Variants in MIPOL1 observed in about 807,000 individuals in gnomAD.
MIPOL1 encodes mirror-image polydactyly 1, also known as mirror-image polydactyly gene 1 protein.
A neutral mutation model predicts 60.9 loss-of-function variants in MIPOL1; 57 were observed. That is an observed-to-expected ratio of 0.94 (90% CI 0.76 to 1.17). MIPOL1 has a LOEUF of 1.17. Ranked by LOEUF, MIPOL1 falls within the 50% of genes most tolerant of loss-of-function variation. The probability of loss-of-function intolerance (pLI) is 0.00; values close to 1 mark genes in which losing one functional copy is unlikely to be tolerated. For missense variants in MIPOL1, 551 were observed against 511.6 expected, an observed-to-expected ratio of 1.08 and a Z score of -0.74; for synonymous variants, 179 against 168.8, an observed-to-expected ratio of 1.06 and a Z score of -0.47.
intron 6 of MIPOL1, among the ~76,000 whole-genome samples, chr14:37,280,995 C>T (rs1322723197): frequency 6.6e-6 from 1 of 152,194 alleles, no homozygotes; most frequent in Non-Finnish European, 1.5e-5. Flanking sequence ...CTTAACTGTG[C>T]AGACGCTTTT....
chr14:37,292,081 A>T (rs896869759), intron 7 of MIPOL1, among the ~76,000 whole-genome samples: 3 of 151,782 alleles, frequency 2.0e-5, no homozygotes, highest in African/African-American at 7.3e-5. Context: ...GCCTGCCACC[A>T]TGCCCGGCTT....
chr14:37,417,215 T>A (rs559805058), intron 10 of MIPOL1, among the ~76,000 whole-genome samples: 1 of 152,280 alleles, frequency 6.6e-6, no homozygotes, highest in Non-Finnish European at 1.5e-5. Context: ...CTCCCCTGCC[T>A]TTCTCTCCTC....
intron 9 of MIPOL1, among the ~76,000 whole-genome samples, chr14:37,318,899 G>T (rs1383586337): frequency 6.6e-6 from 1 of 151,996 alleles, no homozygotes; most frequent in African/African-American, 2.4e-5. Flanking sequence ...TGTGATCATG[G>T]CCGTGGTTCA....
intron 11 of MIPOL1, among the ~76,000 whole-genome samples, chr14:37,482,935 T>A (rs1302965572): frequency 6.6e-6 from 1 of 152,068 alleles, no homozygotes; most frequent in Middle Eastern, 3.2e-3. Context: ...GATAGTCAAA[T>A]CCCTTGTGTA....
chr14:37,411,370 A>G lies in MIPOL1; in HGVS notation c.937-11485A>G, dbSNP rs116638579. Among the ~76,000 whole-genome samples, 772 of 152,274 alleles carry G rather than the reference A, an allele frequency of 5.1e-3. 6 individuals are homozygous for G. Among genetic ancestry groups the G allele is most frequent in the African/African-American group, 0.017 (724 of 41,564 alleles). Reference sequence around the variant, plus strand: ...TTATTTACTCTAAAGAACCTGTTCTAGAAAAGCGTGTATTTTAGATATTTT... The same window carrying G: ...TTATTTACTCTAAAGAACCTGTTCTGGAAAAGCGTGTATTTTAGATATTTT... On this transcript the variant is annotated intron_variant, in intron 10 of 12. Coordinates refer to ENST00000684589, the MANE Select transcript of MIPOL1 (RefSeq NM_001388067.1).
intron 1 of MIPOL1, among the ~76,000 whole-genome samples, chr14:37,245,764 G>T (rs1567134126): frequency 6.6e-6 from 1 of 152,082 alleles, no homozygotes; most frequent in Non-Finnish European, 1.5e-5. Context: ...GAAAGGCAAT[G>T]GGATGATACT....
chr14:37,326,496 A>G (rs1034364875), intron 9 of MIPOL1, among the ~76,000 whole-genome samples: 3 of 152,192 alleles, frequency 2.0e-5, no homozygotes, highest in African/African-American at 7.2e-5. Context: ...AGAGAGCACA[A>G]TCCTTTCTGT....
At chr14:37,403,431 G>GC (rs1245842661) in intron 10 of MIPOL1, among the ~76,000 whole-genome samples, 2 of 60,132 alleles carry the variant, frequency 3.3e-5, no homozygotes, top group East Asian at 4.3e-4. Flanking sequence ...GAGGTTTCTA[G>GC]CTTTTTTTTT....
rs113416695 is a variant in MIPOL1 at position 37,407,436 on chromosome 14, A to C, written c.937-15419A>C. 3.9e-5 allele frequency among the ~76,000 whole-genome samples: 6 copies of C among 152,256 alleles called. No homozygotes were observed. In the East Asian group the frequency reaches 1.2e-3, roughly 29 times the overall value. ...CAAAGGCAGTTGGGAGGAATATTTC[A>C]ATTTCTATTTTTGAACATTTTATCA... On this transcript the variant is annotated intron_variant, in intron 10 of 12. Coordinates refer to ENST00000684589, the MANE Select transcript of MIPOL1 (RefSeq NM_001388067.1).
intron 12 of MIPOL1, among the ~76,000 whole-genome samples, chr14:37,532,244 A>G (rs2095484187): frequency 1.3e-5 from 2 of 152,210 alleles, no homozygotes; most frequent in South Asian, 4.1e-4. Flanking sequence ...AAATTTGAAC[A>G]TAAGTGTAAT....
chr14:37,506,331 G>C (rs946023416), intron 12 of MIPOL1: 1 of 152,146 alleles, frequency 6.6e-6, no homozygotes, highest in African/African-American at 2.4e-5. Context: ...GAGACATCAT[G>C]CTACCTGACT....
intron 10 of MIPOL1, chr14:37,401,242 C>T (rs1444671368): frequency 2.0e-5 from 3 of 151,928 alleles, no homozygotes; most frequent in African/African-American, 7.2e-5. Context: ...GTAAGAGAAA[C>T]CCTATTCAAA....
At chr14:37,384,484 T>C (rs1249134973) in intron 10 of MIPOL1, among the ~76,000 whole-genome samples, 1 of 151,924 alleles carries the variant, frequency 6.6e-6, no homozygotes, top group Non-Finnish European at 1.5e-5. Context: ...CATCTCTTTA[T>C]TTAAAGCTTA....
intron 9 of MIPOL1, among the ~76,000 whole-genome samples, chr14:37,366,812 T>TTA (rs1171870882): frequency 2.0e-5 from 3 of 151,926 alleles, no homozygotes; most frequent in Admixed American, 1.3e-4. Context: ...AATACTTGCT[T>TTA]TATATATATA....
intron 1 of MIPOL1, among the ~76,000 whole-genome samples, chr14:37,245,184 A>G (rs964493760): frequency 1.3e-5 from 2 of 152,148 alleles, no homozygotes; most frequent in Non-Finnish European, 2.9e-5. Context: ...AATTTATTAA[A>G]AGTAGCTTAA....
intron 9 of MIPOL1, among the ~76,000 whole-genome samples, chr14:37,341,992 T>C (rs2090606620): frequency 6.6e-6 from 1 of 152,226 alleles, no homozygotes; most frequent in Admixed American, 6.5e-5. Context: ...CAAGATTAAA[T>C]AATTTAATAC....
chr14:37,452,379 A>G (rs1379369478), intron 11 of MIPOL1, among the ~76,000 whole-genome samples: 3 of 152,218 alleles, frequency 2.0e-5, no homozygotes, highest in Non-Finnish European at 4.4e-5. Context: ...AGCCATATCA[A>G]GCATTCTTCA....
chr14:37,317,726 A>G (rs2088077967), intron 9 of MIPOL1, among the ~76,000 whole-genome samples: 1 of 152,174 alleles, frequency 6.6e-6, no homozygotes, highest in African/African-American at 2.4e-5. Context: ...GTCAAGAGAA[A>G]AAGGCACTAG....
chr14:37,477,002 G>C (rs912352573), intron 11 of MIPOL1, among the ~76,000 whole-genome samples: 8 of 147,950 alleles, frequency 5.4e-5, no homozygotes, highest in Admixed American at 1.4e-4. Flanking sequence ...CCAGGTTCCA[G>C]CAATTCTCCT....
Sources: allele counts gnomAD v4.1 joint callset (sites outside exome capture counted in the v4.1 genomes callset), GRCh38; gene constraint gnomAD v4.1.1; transcripts MANE v1.5; gene names NCBI Gene and HGNC (gene_info 2026-07-23, HGNC 2026-07-21).